The following PPM1B variants were observed in gnomAD, a reference collection of about 807,000 sequenced individuals.
PPM1B encodes the protein protein phosphatase, Mg2+/Mn2+ dependent 1B.
PPM1B carries 22 observed loss-of-function variants against 43.0 expected under a neutral mutation model. The observed-to-expected ratio is 0.51, with a 90% confidence interval of 0.37 to 0.73. The LOEUF (loss-of-function observed/expected upper bound fraction) is 0.73. Ranked by LOEUF, PPM1B falls within the 30% of genes least tolerant of loss-of-function variation. The pLI is 0.00. For synonymous variants in PPM1B, 217 were observed against 197.9 expected (o/e 1.10, Z -0.81); for missense variants, 632 against 584.2 (o/e 1.08, Z -0.84).
At chr2:44,182,508 GCC>G (rs1667930521) in intron 1 of PPM1B, among the ~76,000 whole-genome samples, 1 of 152,124 alleles carries the variant, frequency 6.6e-6, no homozygotes, top group Non-Finnish European at 1.5e-5. Context: ...TGATCCACCT[GCC>G]TCGGCCTCCC....
At chr2:44,244,493 A>G (rs1190505714), downstream of PPM1B, 1 of 787,052 alleles carries the variant, frequency 1.3e-6, no homozygotes, top group Non-Finnish European at 1.6e-6. Flanking sequence ...TGTGATAAAC[A>G]CCTGTGGCTT....
chr2:44,186,588 T>C (rs1191601828), intron 1 of PPM1B, among the ~76,000 whole-genome samples: 7 of 152,180 alleles, frequency 4.6e-5, no homozygotes, highest in Admixed American at 4.6e-4. Flanking sequence ...TTGCCCAGGC[T>C]GGTCTCAAAC....
intron 5 of PPM1B, chr2:44,219,327 G>A (rs1205858288): frequency 2.0e-5 from 3 of 151,808 alleles, no homozygotes; most frequent in Non-Finnish European, 4.4e-5. Flanking sequence ...GAACCAAACA[G>A]AAATGAAACT....
intron 3 of PPM1B, 126 bp from the exon 4 acceptor site, chr2:44,217,841 G>A (rs572304467): frequency 8.3e-6 from 4 of 483,508 alleles, no homozygotes. Flanking sequence ...AATTTTTTGT[G>A]TGTTGATGGT....
At chr2:44,226,841 C>T (rs1670236057) in intron 5 of PPM1B, among the ~76,000 whole-genome samples, 1 of 146,268 alleles carries the variant, frequency 6.8e-6, no homozygotes, top group African/African-American at 2.5e-5. Context: ...AGAAAATTTC[C>T]TCTTAAAGAC....
At chr2:44,173,220 G>A (rs73924222) in intron 1 of PPM1B, among the ~76,000 whole-genome samples, 1 of 152,142 alleles carries the variant, frequency 6.6e-6, no homozygotes, top group Admixed American at 6.5e-5. Context: ...CAGCGTTATG[G>A]TGAAAAGAAC....
At chr2:44,227,751 C>A (rs956092375) in intron 5 of PPM1B, among the ~76,000 whole-genome samples, 1 of 151,850 alleles carries the variant, frequency 6.6e-6, no homozygotes, top group East Asian at 1.9e-4. Flanking sequence ...AACTGCTGAC[C>A]TCAGGTGATC....
chr2:44,216,389 G>A (rs1231526032), intron 3 of PPM1B, among the ~76,000 whole-genome samples: 1 of 152,080 alleles, frequency 6.6e-6, no homozygotes, highest in Non-Finnish European at 1.5e-5. Context: ...GTAAAATGTC[G>A]GTGTTGTTGA....
chr2:44,240,903 G>T (rs1174809207), intron 5 of PPM1B, among the ~76,000 whole-genome samples: 1 of 146,036 alleles, frequency 6.8e-6, no homozygotes, highest in African/African-American at 2.5e-5. Flanking sequence ...CTGAGAGAAA[G>T]CAAGTTATAA....
chr2:44,180,227 C>CT (rs1376620777), intron 1 of PPM1B, among the ~76,000 whole-genome samples: 1 of 152,060 alleles, frequency 6.6e-6, no homozygotes, highest in East Asian at 1.9e-4. Context: ...TAATCTTGAT[C>CT]TTTCTTTCCT....
At chr2:44,176,789 G>C (rs1417487502) in intron 1 of PPM1B, among the ~76,000 whole-genome samples, 1 of 152,162 alleles carries the variant, frequency 6.6e-6, no homozygotes, top group Non-Finnish European at 1.5e-5. Context: ...AGTGAATCAA[G>C]ATTGATTTTT....
At chr2:44,177,417 C>CTTTT in intron 1 of PPM1B, among the ~76,000 whole-genome samples, 1 of 64,776 alleles carries the variant, frequency 1.5e-5, no homozygotes, top group African/African-American at 5.5e-5. Flanking sequence ...AGTGAAATAA[C>CTTTT]CTTTTTTTTT....
chr2:44,199,328 A>AT (rs1223873547), intron 1 of PPM1B, among the ~76,000 whole-genome samples: 8 of 135,638 alleles, frequency 5.9e-5, no homozygotes, highest in African/African-American at 2.4e-4. Flanking sequence ...TAAAAATAAA[A>AT]AAAAAAAAAA....
At position 44,230,699 on chromosome 2, in the gene PPM1B, T is replaced by C; in HGVS notation, c.1421T>C (p.Met474Thr). The C allele has an allele frequency of 5.0e-6, 8 of 1,607,454 alleles. No individual in the cohort carries two copies. The highest frequency in any genetic ancestry group is 6.8e-6 in the Non-Finnish European group (8 of 1,175,314). Residue 474 changes from methionine to threonine, a missense_variant, in exon 6 of 6, where the codon ATG becomes ACG. Physicochemically the swap from Met to Thr is moderately conservative, Grantham distance 81. Transcript: ENST00000282412. Reference protein sequence around the residue: ...DSSNEDAGTKMSGEKI With the variant: ...DSSNEDAGTKTSGEKI ...TCTAATGAAGATGCAGGGACAAAGA[T>C]GAGTGGTGAAAAAATATGACTTTCC...
chr2:44,185,295 C>G (rs943127962), intron 1 of PPM1B, among the ~76,000 whole-genome samples: 3 of 152,106 alleles, frequency 2.0e-5, no homozygotes, highest in Non-Finnish European at 4.4e-5. Context: ...ATACCTTGCC[C>G]TATGTTGAGA....
At chr2:44,214,471 G>C (rs1026150438) in intron 3 of PPM1B, among the ~76,000 whole-genome samples, 2 of 151,832 alleles carry the variant, frequency 1.3e-5, no homozygotes, top group African/African-American at 4.8e-5. Flanking sequence ...GGTGGGGGGG[G>C]CATGGCAGTA....
intron 1 of PPM1B, among the ~76,000 whole-genome samples, chr2:44,177,579 C>T (rs1053747575): frequency 3.3e-5 from 5 of 151,850 alleles, no homozygotes; most frequent in African/African-American, 1.2e-4. Flanking sequence ...CCACCACGCT[C>T]AGCTAATTTT....
chr2:44,177,470 G>A lies in PPM1B; in HGVS notation c.-15+8196G>A, dbSNP rs531430408. ...TTTTGCTCTTGTTGCCCAGGCTGGA[G>A]TGTAGTGGCATGATCTCGGCTCACT... On this transcript the variant is annotated intron_variant, in intron 1 of 5. Coordinates refer to ENST00000282412, the MANE Select transcript of PPM1B (RefSeq NM_002706.6). Among the ~76,000 whole-genome samples the A allele has an allele frequency of 5.4e-5, 8 of 147,460 alleles. No homozygotes were observed. In the Admixed American group the frequency reaches 5.5e-4, roughly 10 times the overall value.
At chr2:44,227,578 G>C (rs1033299836) in intron 5 of PPM1B, among the ~76,000 whole-genome samples, 1 of 150,732 alleles carries the variant, frequency 6.6e-6, no homozygotes, top group Non-Finnish European at 1.5e-5. Flanking sequence ...AGTGCAGTGG[G>C]TGTGATCTTG....
Sources: gnomAD v4.1 joint callset for allele counts (sites outside exome capture counted in the v4.1 genomes callset) on GRCh38, gnomAD v4.1.1 for gene constraint, MANE v1.5 for transcripts, NCBI Gene and HGNC (gene_info 2026-07-23, HGNC 2026-07-21) for gene names.